TUSC3: variants seen among roughly 807,000 people sequenced by gnomAD.
TUSC3 encodes tumor suppressor candidate 3.
Under a neutral mutation model 44.8 loss-of-function variants are expected in TUSC3, and 45 were observed. The ratio of observed to expected loss-of-function variants is 1.00; its 90% CI spans 0.79 to 1.29. The LOEUF is 1.29. Among genes scored for constraint, TUSC3 ranks in the 50% most tolerant of loss-of-function variants. The pLI, the probability that TUSC3 is intolerant of heterozygous loss-of-function variation, is 0.00. For synonymous variants in TUSC3, 212 were observed against 152.9 expected, an observed-to-expected ratio of 1.39 and a Z score of -2.85; for missense variants, 519 against 437.9, an observed-to-expected ratio of 1.19 and a Z score of -1.65.
chr8:15,694,773 C>T lies in TUSC3; in HGVS notation c.798+20937C>T, dbSNP rs571610268. Among the ~76,000 whole-genome samples the T allele has an allele frequency of 1.7e-4, 26 of 152,254 alleles. No individual in the cohort carries two copies. The East Asian group carries it at 5.0e-3, about 29-fold the overall frequency. ...GCTGGTTTCAGGCCCTAGCTTTGTT[C>T]TCTGGTCCCTCCTGATTACTGGAGG... On this transcript the variant is annotated intron_variant, in intron 6 of 10. Transcript: ENST00000503731.
the TUSC3 span, among the ~76,000 whole-genome samples, chr8:15,805,714 G>A: frequency 7.2e-5 from 11 of 152,210 alleles, no homozygotes; most frequent in African/African-American, 2.6e-4. Flanking sequence ...TGTGCTACTG[G>A]ATTCAGTTTG....
At chr8:15,504,615 ATATATATTT>A (rs1442793872) in intron 2 of TUSC3, among the ~76,000 whole-genome samples, 11 of 19,002 alleles carry the variant, frequency 5.8e-4, no homozygotes, top group South Asian at 2.7e-3. Context: ...ATATATATAT[ATATATATTT>A]TTTTTTTTTT....
chr8:15,470,305 A>T (rs959787925), intron 1 of TUSC3, among the ~76,000 whole-genome samples: 12 of 152,004 alleles, frequency 7.9e-5, no homozygotes, highest in Admixed American at 7.9e-4. Flanking sequence ...CAAGGAGGGA[A>T]AGATGAATAG....
intron 6 of TUSC3, among the ~76,000 whole-genome samples, chr8:15,704,771 G>C (rs1403414937): frequency 6.6e-6 from 1 of 151,748 alleles, no homozygotes; most frequent in Non-Finnish European, 1.5e-5. Flanking sequence ...AGCATTGTTT[G>C]CTCCTATATT....
At chr8:15,694,020 T>G (rs1409788793) in intron 6 of TUSC3, among the ~76,000 whole-genome samples, 3 of 152,246 alleles carry the variant, frequency 2.0e-5, no homozygotes, top group Non-Finnish European at 4.4e-5. Flanking sequence ...CCATTTTGTC[T>G]TTCATCTCCT....
chr8:15,549,557 G>C (rs1183706709), intron 1 of TUSC3, among the ~76,000 whole-genome samples: 3 of 151,642 alleles, frequency 2.0e-5, no homozygotes, highest in Non-Finnish European at 4.4e-5. Context: ...GAAATACAAA[G>C]AGTCATTTAA....
intron 7 of TUSC3, among the ~76,000 whole-genome samples, chr8:15,737,039 A>G (rs1016654271): frequency 2.6e-5 from 4 of 152,166 alleles, no homozygotes; most frequent in African/African-American, 9.6e-5. Flanking sequence ...TCTTATAAAG[A>G]TAACATTGCA....
chr8:15,627,167 A>T (rs1302915516), intron 2 of TUSC3, among the ~76,000 whole-genome samples: 9 of 152,158 alleles, frequency 5.9e-5, no homozygotes, highest in African/African-American at 2.2e-4. Context: ...GAAGCTGCCC[A>T]CCCCAGGGTC....
intron 5 of TUSC3, among the ~76,000 whole-genome samples, chr8:15,666,765 C>T (rs1320260039): frequency 1.3e-5 from 2 of 150,946 alleles, no homozygotes; most frequent in Non-Finnish European, 3.0e-5. Flanking sequence ...TTTTGGATGG[C>T]CCCAGACAGT....
intron 7 of TUSC3, among the ~76,000 whole-genome samples, chr8:15,731,557 C>A (rs2721217): frequency 0.53 from 80,683 of 151,888 alleles, 21,656 homozygotes; most frequent in Admixed American, 0.59. Context: ...TATGTAGGAA[C>A]ACTAGAGCCC....
intron 1 of TUSC3, among the ~76,000 whole-genome samples, chr8:15,434,530 C>T (rs368461408): frequency 1.5e-5 from 2 of 135,680 alleles, no homozygotes; most frequent in Non-Finnish European, 1.6e-5. Context: ...AAAGCCATTC[C>T]TTTTTTTTTT....
chr8:15,765,879 T>G lies in TUSC3; in HGVS notation c.*1723T>G, dbSNP rs537999024. The G allele has an allele frequency of 4.9e-4, 74 of 152,156 alleles. No individual in the cohort carries two copies. Among genetic ancestry groups the G allele is most frequent in the African/African-American group, 1.5e-3 (63 of 41,556 alleles). The allele number at this position is 152,156 out of a possible 1,614,324, so 9.4% of individuals were successfully genotyped here. Reference sequence around the variant, plus strand: ...TACATAGAGACTCTCAGGTCAAATTTTACAAGTATTAAACATTTGTTAATT... The same window carrying G: ...TACATAGAGACTCTCAGGTCAAATTGTACAAGTATTAAACATTTGTTAATT... On this transcript the variant is annotated 3_prime_UTR_variant, in exon 11 of 11. Coordinates refer to ENST00000503731, the MANE Select transcript of TUSC3 (RefSeq NM_006765.4).
intron 2 of TUSC3, among the ~76,000 whole-genome samples, chr8:15,639,195 G>GTGA (rs373548323): frequency 6.6e-6 from 1 of 151,348 alleles, no homozygotes; most frequent in Non-Finnish European, 1.5e-5. Context: ...CAGGGCTTCA[G>GTGA]TGATGATGAT....
At chr8:15,550,355 G>C (rs17657824) in intron 1 of TUSC3, among the ~76,000 whole-genome samples, 2 of 151,688 alleles carry the variant, frequency 1.3e-5, no homozygotes, top group African/African-American at 2.4e-5. Context: ...TGCATGCTTA[G>C]ATGTTGGACA....
intron 6 of TUSC3, among the ~76,000 whole-genome samples, chr8:15,703,408 G>A (rs539818725): frequency 1.4e-3 from 214 of 152,174 alleles, no homozygotes; most frequent in Non-Finnish European, 2.7e-3. Context: ...TTGAGTTGGA[G>A]AATTTGAAGT....
chr8:15,673,691 G>A, intron 5 of TUSC3, 56 bp from the exon 6 acceptor site: 3 of 1,322,756 alleles, frequency 2.3e-6, no homozygotes, highest in Non-Finnish European at 3.3e-6. Flanking sequence ...TTTTAGAAAT[G>A]CATTATTCTG....
At chr8:15,810,173 GAAC>G in the TUSC3 span, among the ~76,000 whole-genome samples, 1 of 152,116 alleles carries the variant, frequency 6.6e-6, no homozygotes, top group Non-Finnish European at 1.5e-5. Flanking sequence ...TCCCACTCCA[GAAC>G]AACTGAATCA....
chr8:15,623,966 T>G (rs1454777991), intron 2 of TUSC3, among the ~76,000 whole-genome samples: 1 of 152,128 alleles, frequency 6.6e-6, no homozygotes, highest in Non-Finnish European at 1.5e-5. Context: ...TCCATTGTAC[T>G]TCTTACCTGT....
the TUSC3 span, among the ~76,000 whole-genome samples, chr8:15,799,682 T>C: frequency 6.6e-6 from 1 of 152,192 alleles, no homozygotes; most frequent in Non-Finnish European, 1.5e-5. Context: ...GCCCATAAAG[T>C]CCTCATTCTT....
Sources: allele counts gnomAD v4.1 joint callset (sites outside exome capture counted in the v4.1 genomes callset), GRCh38; gene constraint gnomAD v4.1.1; transcripts MANE v1.5; gene names NCBI Gene and HGNC (gene_info 2026-07-23, HGNC 2026-07-21).